NECAB2: variants seen among roughly 807,000 people sequenced by gnomAD.
NECAB2 encodes the protein N-terminal EF-hand calcium binding protein 2, also known as N-terminal EF-hand calcium-binding protein 2.
In NECAB2, 68 loss-of-function variants were observed where a neutral mutation model predicts 51.9. That is an observed-to-expected ratio of 1.31 (90% CI 1.08 to 1.60). NECAB2 has a LOEUF of 1.60. Among genes scored for constraint, NECAB2 ranks in the 40% most tolerant of loss-of-function variants. The probability of loss-of-function intolerance (pLI) is 0.00; values close to 1 mark genes in which losing one functional copy is unlikely to be tolerated. For synonymous variants in NECAB2, 329 were observed against 203.5 expected (o/e 1.62, Z -5.25); for missense variants, 854 against 490.3 (o/e 1.74, Z -7.00).
intron 2 of NECAB2, among the ~76,000 whole-genome samples, chr16:83,973,221 C>T (rs80164679): frequency 0.014 from 2,064 of 152,350 alleles, 48 homozygotes; most frequent in African/African-American, 0.046. Flanking sequence ...CCTCTGGCCC[C>T]GGTTCCTCTC....
upstream of NECAB2, chr16:83,965,381 T>C (rs751896752): frequency 6.4e-7 from 1 of 1,573,724 alleles, no homozygotes; most frequent in Non-Finnish European, 8.6e-7. Flanking sequence ...CCATGAGCTG[T>C]CTGCCCTGGA....
intron 10 of NECAB2, among the ~76,000 whole-genome samples, chr16:83,999,469 A>G (rs78365936): frequency 0.01 from 1,555 of 152,236 alleles, 26 homozygotes; most frequent in African/African-American, 0.036. Context: ...GAGCCAGGTG[A>G]GATTCTACTT....
intron 3 of NECAB2, among the ~76,000 whole-genome samples, chr16:83,979,434 G>A (rs1294526192): frequency 1.3e-5 from 2 of 152,188 alleles, no homozygotes; most frequent in Non-Finnish European, 2.9e-5. Context: ...CTGCGGCTGA[G>A]AGAGTCCTGG....
chr16:83,981,452 A>G (rs2084488157), intron 5 of NECAB2, among the ~76,000 whole-genome samples: 3 of 148,950 alleles, frequency 2.0e-5, no homozygotes, highest in Admixed American at 1.3e-4. Context: ...GTGGGCTTAC[A>G]AGACTGGAAG....
At chr16:83,994,097 C>G (rs2084662526) in intron 6 of NECAB2, among the ~76,000 whole-genome samples, 1 of 152,240 alleles carries the variant, frequency 6.6e-6, no homozygotes. Context: ...AATCCCAGCT[C>G]TGCCCAGCTA....
chr16:84,002,325 G>T lies in NECAB2; in HGVS notation c.1140G>T (p.Trp380Cys), dbSNP rs368940900. 38 of 1,613,820 alleles carry T rather than the reference G, an allele frequency of 2.4e-5. No individual in the cohort carries two copies. Among genetic ancestry groups the T allele is most frequent in the Non-Finnish European group, 3.1e-5 (36 of 1,179,920 alleles). Residue 380 changes from tryptophan (W) to cysteine (C), a missense_variant, in exon 13 of 13, where the codon TGG becomes TGT. Physicochemically the swap from Trp to Cys is radical, Grantham distance 215. Coordinates refer to ENST00000305202, the MANE Select transcript of NECAB2 (RefSeq NM_019065.3). Reference protein sequence around the residue: ...ALSRILVPAAWCTVGRD With the variant: ...ALSRILVPAACCTVGRD ...GTGTCTCTCTCCTTTTAGCTGCTTG[G>T]TGCACGGTGGGACGGGACTGACAGC...
At position 83,990,660 on chromosome 16, in the gene NECAB2, TG is replaced by T. The variant is rs749824493; in HGVS notation, c.596+35del. On this transcript the variant is annotated intron_variant, in intron 6 of 12. Coordinates refer to ENST00000305202, the MANE Select transcript of NECAB2 (RefSeq NM_019065.3). Reference sequence around the variant, plus strand: ...GTCTCTGAGACCCTGCAGGGTCCCATGGGGGTATGCCGTGCACGCGCACGTG... The same window carrying T: ...GTCTCTGAGACCCTGCAGGGTCCCATGGGGTATGCCGTGCACGCGCACGTG... 1.7e-5 allele frequency: 27 copies of T among 1,612,322 alleles called. No homozygotes were observed. The African/African-American group carries it at 2.4e-4, about 14-fold the overall frequency.
intron 5 of NECAB2, among the ~76,000 whole-genome samples, chr16:83,986,834 C>G (rs992090680): frequency 3.9e-5 from 6 of 152,076 alleles, no homozygotes; most frequent in Admixed American, 1.3e-4. Context: ...GAAGAGAACT[C>G]TTTGAATTAT....
At chr16:83,995,232 A>C (rs1322458539) in intron 8 of NECAB2, among the ~76,000 whole-genome samples, 1 of 152,346 alleles carries the variant, frequency 6.6e-6, no homozygotes, top group East Asian at 1.9e-4. Flanking sequence ...TAGAGTGCTC[A>C]CAATATGACC....
intron 5 of NECAB2, among the ~76,000 whole-genome samples, chr16:83,987,247 C>T (rs1295665096): frequency 6.6e-6 from 1 of 152,178 alleles, no homozygotes. Context: ...ACTATTCTTT[C>T]TAACAGTGCC....
At chr16:83,965,817 A>T, upstream of NECAB2, 1 of 1,612,732 alleles carries the variant, frequency 6.2e-7, no homozygotes. Flanking sequence ...TTTGCAGTGG[A>T]TCCTGACCAG....
rs1011971593 is a variant in NECAB2 at position 84,002,642 on chromosome 16, A to G, written c.*296A>G. On this transcript the variant is annotated 3_prime_UTR_variant, in exon 13 of 13. Transcript: ENST00000305202. ...TCCCCTACCCCTCACATGGCCACGC[A>G]TGACCCACACTGACCACACCCTGCC... The G allele has an allele frequency of 7.6e-6, 4 of 525,656 alleles. No individual in the cohort carries two copies. In the Admixed American group the frequency reaches 1.3e-4, roughly 17 times the overall value. The allele number at this position is 525,656 out of a possible 1,614,324, so 32.6% of individuals were successfully genotyped here.
At chr16:83,982,688 A>G (rs1037810770) in intron 5 of NECAB2, among the ~76,000 whole-genome samples, 6 of 152,114 alleles carry the variant, frequency 3.9e-5, no homozygotes, top group East Asian at 1.9e-4. Context: ...TCAGGAACAT[A>G]AGAGAGTTCT....
intron 9 of NECAB2, among the ~76,000 whole-genome samples, chr16:83,997,857 G>A (rs1383706615): frequency 1.3e-5 from 2 of 152,104 alleles, no homozygotes; most frequent in Non-Finnish European, 1.5e-5. Flanking sequence ...GCCAGACAGT[G>A]ATGTGAAAAT....
At chr16:83,996,981 C>T (rs141262262) in intron 8 of NECAB2, among the ~76,000 whole-genome samples, 4 of 150,764 alleles carry the variant, frequency 2.7e-5, no homozygotes, top group East Asian at 1.9e-4. Context: ...TGGACTCAGG[C>T]CTCTGGAGTC....
At position 83,994,358 on chromosome 16, in the gene NECAB2, C is replaced by G. The variant is rs746174813; in HGVS notation, c.653C>G (p.Thr218Ser). ...GCACAGACCTGGTGTGGAAGCCCCA[C>G]TCCCGCCTCTGCCCCCAACCACAAG... ...SAAQTWCGSP[T>S]PASAPNHKLM... The change falls in exon 7 of 13, where the codon ACT becomes AGT. Residue 218 changes from threonine to serine, a missense_variant. Transcript: ENST00000305202. 3 of 1,614,190 alleles carry G rather than the reference C, an allele frequency of 1.9e-6. No homozygotes were observed. Among genetic ancestry groups the G allele is most frequent in the Non-Finnish European group, 2.5e-6 (3 of 1,180,032 alleles).
chr16:83,999,718 T>C (rs1472993), intron 10 of NECAB2, among the ~76,000 whole-genome samples: 15,050 of 151,972 alleles, frequency 0.099, 1,517 homozygotes, highest in African/African-American at 0.26. Context: ...CATAGAGCAA[T>C]GGGGGACTTG....
At chr16:83,976,153 C>T (rs918070486) in intron 2 of NECAB2, among the ~76,000 whole-genome samples, 1 of 152,166 alleles carries the variant, frequency 6.6e-6, no homozygotes. Context: ...GCTCACAACC[C>T]CTGTCATGCC....
At position 84,002,498 on chromosome 16, in the gene NECAB2, CGCCCCTGCCCCCACCTGAGAAGGCA is replaced by C. The variant is rs1567683104; in HGVS notation, c.*154_*178del. The C allele has an allele frequency of 1.0e-6, 1 of 984,074 alleles. No individual in the cohort carries two copies. The highest frequency in any genetic ancestry group is 1.6e-5 in the African/African-American group (1 of 61,232). 61.0% of individuals were successfully genotyped at this position (984,074 alleles called of 1,614,324 possible). A position where few individuals can be genotyped will look rare whatever the true frequency, so the allele number is the denominator to read the frequency against. On this transcript the variant is annotated 3_prime_UTR_variant, in exon 13 of 13. Coordinates refer to ENST00000305202, the MANE Select transcript of NECAB2 (RefSeq NM_019065.3). ...TTCCCTGTTGTTAAGTGAAGGAGGCCGCCCCTGCCCCCACCTGAGAAGGCAGAGCAGTGTCTGTGCTGCCAGGTCC... is the reference window on the plus strand; with the variant it reads ...TTCCCTGTTGTTAAGTGAAGGAGGCCGAGCAGTGTCTGTGCTGCCAGGTCC...
Sources: allele counts gnomAD v4.1 joint callset (sites outside exome capture counted in the v4.1 genomes callset), GRCh38; gene constraint gnomAD v4.1.1; transcripts MANE v1.5; gene names NCBI Gene and HGNC (gene_info 2026-07-23, HGNC 2026-07-21).